Variants in CYP7B1 observed in about 807,000 individuals in gnomAD.
The protein encoded by CYP7B1 is cytochrome P450 7B1.
In CYP7B1, 29 loss-of-function variants were observed where a neutral mutation model predicts 42.7. That is an observed-to-expected ratio of 0.68 (90% CI 0.51 to 0.93). CYP7B1 has a LOEUF of 0.93. Ranked by LOEUF, CYP7B1 falls within the 40% of genes least tolerant of loss-of-function variation. The pLI is 0.00. For missense variants in CYP7B1, 655 were observed against 600.5 expected (o/e 1.09, Z -0.95); for synonymous variants, 235 against 218.2 (o/e 1.08, Z -0.68).
chr8:64,774,988 T>C (rs1804300018), intron 1 of CYP7B1, among the ~76,000 whole-genome samples: 1 of 152,162 alleles, frequency 6.6e-6, no homozygotes, highest in African/African-American at 2.4e-5. Context: ...CAAGTATAAA[T>C]ATAGATGGTC....
intron 1 of CYP7B1, among the ~76,000 whole-genome samples, chr8:64,708,353 T>C (rs1807030223): frequency 6.6e-6 from 1 of 152,200 alleles, no homozygotes; most frequent in South Asian, 2.1e-4. Flanking sequence ...ACGACATCTT[T>C]ATCACATTTT....
rs1418031943 is a variant in CYP7B1 at position 64,640,404 on chromosome 8, C to CTATCATT, written c.123-15872_123-15866dup. On this transcript the variant is annotated intron_variant, in intron 1 of 5. Transcript: ENST00000310193. Reference sequence around the variant, plus strand: ...CACTGCAAATAGTATATTTAAATTTCTATCATTAGGTAAAGAAAGCAAGGG... The same window carrying CTATCATT: ...CACTGCAAATAGTATATTTAAATTTCTATCATTTATCATTAGGTAAAGAAAGCAAGGG... Among the ~76,000 whole-genome samples, 4 of 152,142 alleles carry CTATCATT rather than the reference C, an allele frequency of 2.6e-5. No individual in the cohort carries two copies. The East Asian group carries it at 7.7e-4, about 29-fold the overall frequency.
chr8:64,633,579 T>C (rs1289301529), intron 1 of CYP7B1, among the ~76,000 whole-genome samples: 1 of 152,134 alleles, frequency 6.6e-6, no homozygotes, highest in Non-Finnish European at 1.5e-5. Flanking sequence ...AAAATATGTA[T>C]AAAATCTATA....
intron 5 of CYP7B1, among the ~76,000 whole-genome samples, chr8:64,602,049 TC>T (rs1339994283): frequency 6.6e-6 from 1 of 152,194 alleles, no homozygotes; most frequent in African/African-American, 2.4e-5. Flanking sequence ...TATCCAAGCA[TC>T]CCCTTATTTA....
At chr8:64,604,535 G>T in intron 5 of CYP7B1, 147 bp downstream of exon 5, 4 of 787,348 alleles carry the variant, frequency 5.1e-6, no homozygotes, top group Non-Finnish European at 8.4e-6. Context: ...AAAGAGGAAA[G>T]CTTTCTTATT....
chr8:64,663,384 T>G (rs1313692651), intron 1 of CYP7B1, among the ~76,000 whole-genome samples: 4 of 152,200 alleles, frequency 2.6e-5, no homozygotes, highest in South Asian at 2.1e-4. Flanking sequence ...AATGGTTGTA[T>G]GAATAAATGA....
intron 1 of CYP7B1, among the ~76,000 whole-genome samples, chr8:64,657,180 T>C (rs1806133169): frequency 6.6e-6 from 1 of 152,180 alleles, no homozygotes; most frequent in Non-Finnish European, 1.5e-5. Flanking sequence ...ATCTGAATAA[T>C]TTATGGTTAA....
chr8:64,663,027 C>T (rs912550643), intron 1 of CYP7B1, among the ~76,000 whole-genome samples: 1 of 152,170 alleles, frequency 6.6e-6, no homozygotes, highest in South Asian at 2.1e-4. Flanking sequence ...ATTCTCTTCC[C>T]TATACACCAT....
At chr8:64,793,342 A>G (rs1201882255) in intron 1 of CYP7B1, among the ~76,000 whole-genome samples, 3 of 152,148 alleles carry the variant, frequency 2.0e-5, no homozygotes, top group Non-Finnish European at 4.4e-5. Flanking sequence ...GAATTTAAAC[A>G]TCTTATATTT....
intron 1 of CYP7B1, among the ~76,000 whole-genome samples, chr8:64,772,262 G>A (rs1325168872): frequency 6.6e-6 from 1 of 152,280 alleles, no homozygotes; most frequent in Non-Finnish European, 1.5e-5. Flanking sequence ...TCATCCATTT[G>A]TCTGGGTCAC....
chr8:64,651,285 A>C (rs1454823790), intron 1 of CYP7B1, among the ~76,000 whole-genome samples: 1 of 152,260 alleles, frequency 6.6e-6, no homozygotes, highest in Non-Finnish European at 1.5e-5. Context: ...TGCATGATAC[A>C]CAGGTCCATA....
intron 1 of CYP7B1, among the ~76,000 whole-genome samples, chr8:64,707,264 G>A (rs951462048): frequency 6.6e-6 from 1 of 152,026 alleles, no homozygotes; most frequent in African/African-American, 2.4e-5. Context: ...AAATTCCAGA[G>A]TCTAATATCT....
chr8:64,670,763 A>G (rs1806354362), intron 1 of CYP7B1, among the ~76,000 whole-genome samples: 1 of 152,228 alleles, frequency 6.6e-6, no homozygotes, highest in South Asian at 2.1e-4. Flanking sequence ...CTGTCACACA[A>G]TGAAAAAGAG....
chr8:64,712,729 GTA>G (rs1807099547), intron 1 of CYP7B1, among the ~76,000 whole-genome samples: 1 of 147,024 alleles, frequency 6.8e-6, no homozygotes. Flanking sequence ...CATTTTATAT[GTA>G]TATGTCTCAT....
rs1342178634 is a variant in CYP7B1, at chr8:64,615,658, A to G, written c.850+33T>C. The G allele has an allele frequency of 5.0e-6, 8 of 1,596,712 alleles. No homozygotes were observed. The Admixed American group carries it at 1.2e-4, about 23-fold the overall frequency. On this transcript the variant is annotated intron_variant, in intron 3 of 5. Transcript: ENST00000310193. ...TCAGAGGTCTATTGTAAATGATTTT[A>G]TTTTAGGCAAGTGCTCATTCAGAAG... is the stretch of plus-strand genomic sequence containing the variant.
chr8:64,697,496 C>T (rs1806846997), intron 1 of CYP7B1, among the ~76,000 whole-genome samples: 1 of 152,132 alleles, frequency 6.6e-6, no homozygotes, highest in Non-Finnish European at 1.5e-5. Flanking sequence ...GTGCCAGGCA[C>T]AGAGTCAGCA....
At chr8:64,633,592 A>G (rs190307905) in intron 1 of CYP7B1, among the ~76,000 whole-genome samples, 1 of 152,292 alleles carries the variant, frequency 6.6e-6, no homozygotes, top group African/African-American at 2.4e-5. Context: ...AATCTATATA[A>G]AGAAAACTAT....
At position 64,734,665 on chromosome 8, in the gene CYP7B1, G is replaced by A. The variant is rs935109508; in HGVS notation, c.122+63801C>T. 1.2e-4 allele frequency among the ~76,000 whole-genome samples: 19 copies of A among 152,166 alleles called. No homozygotes were observed. In the East Asian group the frequency reaches 3.5e-3, roughly 28 times the overall value. ...AGCAGATCCCCAGTGCCTAGTCCTA[G>A]TATCTAAAACCTACTAGGTCAACAA... On this transcript the variant is annotated intron_variant, in intron 1 of 5. Coordinates refer to ENST00000310193, the MANE Select transcript of CYP7B1 (RefSeq NM_004820.5).
chr8:64,664,803 C>G (rs902542747), intron 1 of CYP7B1, among the ~76,000 whole-genome samples: 6 of 152,158 alleles, frequency 3.9e-5, no homozygotes, highest in African/African-American at 1.4e-4. Flanking sequence ...AAATTCTTGT[C>G]TATCCTAAGG....
Sources: gnomAD v4.1 joint callset for allele counts (sites outside exome capture counted in the v4.1 genomes callset) on GRCh38, gnomAD v4.1.1 for gene constraint, MANE v1.5 for transcripts, NCBI Gene and HGNC (gene_info 2026-07-23, HGNC 2026-07-21) for gene names.